Variants in MYT1L observed in about 807,000 individuals in gnomAD.
The protein encoded by MYT1L is myelin transcription factor 1-like protein.
A neutral mutation model predicts 126.7 loss-of-function variants in MYT1L; 12 were observed. That is an observed-to-expected ratio of 0.09 (90% CI 0.06 to 0.15). MYT1L has a LOEUF of 0.15. MYT1L is among the 10% of genes least tolerant of loss of function. The pLI is 1.00. For missense variants in MYT1L, 979 were observed against 1,585.2 expected (o/e 0.62, Z 6.49); for synonymous variants, 541 against 604.2 (o/e 0.90, Z 1.53).
At chr2:1,861,175 G>C (rs560079396) in intron 18 of MYT1L, among the ~76,000 whole-genome samples, 169 of 152,282 alleles carry the variant, frequency 1.1e-3, no homozygotes, top group African/African-American at 4.0e-3. Flanking sequence ...TGCCTGGAGG[G>C]GTCCTGAGGG....
At chr2:2,151,174 G>T (rs959855915) in intron 3 of MYT1L, among the ~76,000 whole-genome samples, 2 of 152,160 alleles carry the variant, frequency 1.3e-5, no homozygotes, top group Non-Finnish European at 1.5e-5. Flanking sequence ...CAGCTTTAGA[G>T]TCTCTTAGTA....
At chr2:2,304,870 T>G (rs1573391305) in intron 1 of MYT1L, among the ~76,000 whole-genome samples, 2 of 152,188 alleles carry the variant, frequency 1.3e-5, no homozygotes, top group African/African-American at 4.8e-5. Flanking sequence ...AAACGATCAC[T>G]AAGAATGAAC....
intron 1 of MYT1L, among the ~76,000 whole-genome samples, chr2:2,320,210 C>T (rs914525417): frequency 6.6e-6 from 1 of 152,096 alleles, no homozygotes; most frequent in Non-Finnish European, 1.5e-5. Context: ...CACTGAGTGT[C>T]TTCCCAGAGT....
At chr2:1,991,641 G>T (rs2061462825) in intron 5 of MYT1L, among the ~76,000 whole-genome samples, 1 of 152,098 alleles carries the variant, frequency 6.6e-6, no homozygotes, top group Admixed American at 6.5e-5. Context: ...TTTCCAGTGT[G>T]TCTGTCCATC....
At chr2:2,033,257 C>T (rs867730696) in intron 4 of MYT1L, among the ~76,000 whole-genome samples, 4 of 146,558 alleles carry the variant, frequency 2.7e-5, no homozygotes, top group African/African-American at 7.6e-5. Flanking sequence ...CTTACACACA[C>T]CCCTCGCCAG....
chr2:2,058,006 A>C (rs2069836244), intron 3 of MYT1L, among the ~76,000 whole-genome samples: 1 of 152,204 alleles, frequency 6.6e-6, no homozygotes. Flanking sequence ...TAGCTTTAAA[A>C]GAAAACGCCA....
intron 21 of MYT1L, among the ~76,000 whole-genome samples, chr2:1,813,178 T>G (rs1488074726): frequency 6.6e-6 from 1 of 152,034 alleles, no homozygotes; most frequent in Non-Finnish European, 1.5e-5. Context: ...GAGCTGCAGG[T>G]GGGGGGGAGA....
intron 2 of MYT1L, among the ~76,000 whole-genome samples, chr2:2,246,406 T>A (rs1243870165): frequency 6.6e-6 from 1 of 152,148 alleles, no homozygotes; most frequent in East Asian, 1.9e-4. Flanking sequence ...GGGGAGACAG[T>A]GTGGCTGAAA....
intron 3 of MYT1L, 86 bp from the exon 4 acceptor site, chr2:2,054,209 T>C (rs1436878443): frequency 6.5e-6 from 1 of 152,698 alleles, no homozygotes; most frequent in Non-Finnish European, 1.5e-5. Flanking sequence ...TTGTCAGGTC[T>C]TTAATGCATC....
At chr2:2,238,759 A>C (rs2094378489) in intron 2 of MYT1L, among the ~76,000 whole-genome samples, 1 of 152,256 alleles carries the variant, frequency 6.6e-6, no homozygotes, top group Non-Finnish European at 1.5e-5. Flanking sequence ...TTGTAAGTGT[A>C]GTAAATACAT....
At chr2:2,177,578 A>C (rs2090952789) in intron 2 of MYT1L, among the ~76,000 whole-genome samples, 1 of 152,172 alleles carries the variant, frequency 6.6e-6, no homozygotes, top group South Asian at 2.1e-4. Flanking sequence ...GGTTTAAATG[A>C]CTCACAGCTC....
chr2:2,188,076 A>G (rs2092336065), intron 2 of MYT1L, among the ~76,000 whole-genome samples: 1 of 152,184 alleles, frequency 6.6e-6, no homozygotes, highest in Non-Finnish European at 1.5e-5. Context: ...ACATCTTTGA[A>G]TAAAGCCTCT....
intron 2 of MYT1L, among the ~76,000 whole-genome samples, chr2:2,242,634 G>A (rs758705175): frequency 6.6e-6 from 1 of 152,160 alleles, no homozygotes; most frequent in Admixed American, 6.5e-5. Context: ...AAAGAAGCAG[G>A]CAGGGTCCCC....
chr2:1,842,883 G>GTTT (rs2041961925), intron 19 of MYT1L: 1 of 140,408 alleles, frequency 7.1e-6, no homozygotes, highest in South Asian at 1.5e-4. Flanking sequence ...GCTTCCAGGC[G>GTTT]CTTCCGCTTC....
At chr2:1,999,349 T>C (rs2062153204) in intron 4 of MYT1L, among the ~76,000 whole-genome samples, 2 of 152,210 alleles carry the variant, frequency 1.3e-5, no homozygotes, top group Admixed American at 6.5e-5. Context: ...GGGCTGAGTC[T>C]CTGGCACTCT....
chr2:2,112,005 T>C (rs2079525055), intron 3 of MYT1L, among the ~76,000 whole-genome samples: 3 of 152,228 alleles, frequency 2.0e-5, no homozygotes, highest in South Asian at 4.1e-4. Context: ...GCGTGCAAAC[T>C]TGGGACCACT....
intron 1 of MYT1L, among the ~76,000 whole-genome samples, chr2:2,284,851 G>C (rs1461481352): frequency 1.3e-5 from 2 of 152,000 alleles, no homozygotes; most frequent in African/African-American, 4.8e-5. Flanking sequence ...CTACAGGCAT[G>C]CACCACCATG....
intron 12 of MYT1L, among the ~76,000 whole-genome samples, chr2:1,911,382 A>G (rs536022552): frequency 9.2e-5 from 14 of 151,854 alleles, no homozygotes; most frequent in South Asian, 2.1e-4. Flanking sequence ...GGCCTCTGGG[A>G]AAAAAAAAGT....
At chr2:2,213,549 A>G (rs2093594195) in intron 2 of MYT1L, among the ~76,000 whole-genome samples, 1 of 152,166 alleles carries the variant, frequency 6.6e-6, no homozygotes, top group African/African-American at 2.4e-5. Flanking sequence ...AGGGCAGGGG[A>G]TGAAGCCTGT....
Sources: allele counts gnomAD v4.1 joint callset (sites outside exome capture counted in the v4.1 genomes callset), GRCh38; gene constraint gnomAD v4.1.1; transcripts MANE v1.5; gene names NCBI Gene and HGNC (gene_info 2026-07-23, HGNC 2026-07-21).